AOPEP: variants seen among roughly 807,000 people sequenced by gnomAD.
The protein encoded by AOPEP is aminopeptidase O.
In AOPEP, 77 loss-of-function variants were observed where a neutral mutation model predicts 98.1. That is an observed-to-expected ratio of 0.78 (90% CI 0.65 to 0.95). The LOEUF is 0.95. Ranked by LOEUF, AOPEP falls within the 40% of genes least tolerant of loss-of-function variation. The pLI is 0.00. For missense variants in AOPEP, 1,024 were observed against 1,024.7 expected, an observed-to-expected ratio of 1.00 and a Z score of 0.01; for synonymous variants, 346 against 365.3, an observed-to-expected ratio of 0.95 and a Z score of 0.60.
chr9:95,073,265 TA>T (rs2068682949), intron 14 of AOPEP, among the ~76,000 whole-genome samples: 1 of 152,180 alleles, frequency 6.6e-6, no homozygotes, highest in African/African-American at 2.4e-5. Context: ...GACGCTCTTC[TA>T]ACCCCCATCT....
At chr9:95,041,643 ATAAT>A in intron 13 of AOPEP, among the ~76,000 whole-genome samples, 1 of 152,180 alleles carries the variant, frequency 6.6e-6, no homozygotes. Context: ...ACCGGCTGTA[ATAAT>A]TAAAGCCATG....
chr9:94,744,387 T>C (rs1833961310), intron 1 of AOPEP, among the ~76,000 whole-genome samples: 1 of 151,362 alleles, frequency 6.6e-6, no homozygotes, highest in African/African-American at 2.4e-5. Context: ...AGTGAGACTC[T>C]GTCTCAACAA....
chr9:95,129,804 G>A, the AOPEP span, among the ~76,000 whole-genome samples: 1 of 152,090 alleles, frequency 6.6e-6, no homozygotes, highest in Admixed American at 6.5e-5. Flanking sequence ...TTCACTGAAT[G>A]CCCAGGATGA....
the AOPEP span, among the ~76,000 whole-genome samples, chr9:95,093,764 C>T: frequency 1.3e-5 from 2 of 152,122 alleles, no homozygotes; most frequent in Non-Finnish European, 2.9e-5. Context: ...ACATAACGCT[C>T]GCTTCTCTGT....
At chr9:94,823,386 A>G (rs1047950471) in intron 5 of AOPEP, among the ~76,000 whole-genome samples, 7 of 152,174 alleles carry the variant, frequency 4.6e-5, no homozygotes, top group African/African-American at 1.7e-4. Context: ...CTTTATTAAC[A>G]CATGGTTAGT....
chr9:95,106,188 T>G, the AOPEP span, among the ~76,000 whole-genome samples: 1 of 152,184 alleles, frequency 6.6e-6, no homozygotes, highest in East Asian at 1.9e-4. Context: ...TCGCTGCACT[T>G]TGCCTTTCCC....
the AOPEP span, among the ~76,000 whole-genome samples, chr9:95,139,834 TTATATA>T: frequency 7.0e-6 from 1 of 143,164 alleles, no homozygotes; most frequent in African/African-American, 2.6e-5. Flanking sequence ...ATATATATAT[TTATATA>T]TATATATATA....
At chr9:94,806,338 G>A (rs1409273051) in intron 5 of AOPEP, among the ~76,000 whole-genome samples, 1 of 151,818 alleles carries the variant, frequency 6.6e-6, no homozygotes, top group Non-Finnish European at 1.5e-5. Flanking sequence ...TTAAAAAGAT[G>A]TTGAATGGGC....
chr9:95,048,335 C>T (rs2066019144), intron 13 of AOPEP, among the ~76,000 whole-genome samples: 1 of 151,640 alleles, frequency 6.6e-6, no homozygotes, highest in Admixed American at 6.6e-5. Flanking sequence ...TTTGAATTGC[C>T]GGCTGTGTTG....
intron 5 of AOPEP, among the ~76,000 whole-genome samples, chr9:94,880,290 C>T (rs1356635710): frequency 2.0e-5 from 3 of 151,920 alleles, no homozygotes; most frequent in Non-Finnish European, 4.4e-5. Flanking sequence ...GTGAGAAACC[C>T]CTATTGTTTA....
chr9:95,037,105 A>G (rs2064898528), intron 13 of AOPEP, among the ~76,000 whole-genome samples: 1 of 152,208 alleles, frequency 6.6e-6, no homozygotes, highest in Non-Finnish European at 1.5e-5. Flanking sequence ...TAGCAAACCC[A>G]TAGAGGCTTT....
the AOPEP span, among the ~76,000 whole-genome samples, chr9:95,111,947 G>C: frequency 1.3e-5 from 2 of 152,218 alleles, no homozygotes; most frequent in African/African-American, 4.8e-5. Flanking sequence ...TGACCAACAG[G>C]AATGTGGCAG....
intron 14 of AOPEP, among the ~76,000 whole-genome samples, chr9:95,065,929 T>A (rs920122759): frequency 6.6e-6 from 1 of 152,166 alleles, no homozygotes; most frequent in Non-Finnish European, 1.5e-5. Context: ...TGACTTCAGG[T>A]TTTTAGAAAG....
chr9:95,011,833 C>A (rs990637838), intron 13 of AOPEP, among the ~76,000 whole-genome samples: 1 of 152,032 alleles, frequency 6.6e-6, no homozygotes, highest in Non-Finnish European at 1.5e-5. Context: ...CAAAAAAAAT[C>A]TATAGTTTAA....
chr9:94,742,768 TTATATTTA>T (rs1197791131), intron 1 of AOPEP, among the ~76,000 whole-genome samples: 1 of 152,166 alleles, frequency 6.6e-6, no homozygotes, highest in African/African-American at 2.4e-5. Flanking sequence ...TTTGCCCTGA[TTATATTTA>T]TGTTGAATCT....
At chr9:94,974,991 A>G (rs2059752019) in intron 10 of AOPEP, among the ~76,000 whole-genome samples, 1 of 152,136 alleles carries the variant, frequency 6.6e-6, no homozygotes, top group Admixed American at 6.5e-5. Context: ...TAATCCCAGC[A>G]CTTTGGGAGG....
chr9:94,885,916 A>T (rs1270474988), intron 5 of AOPEP, among the ~76,000 whole-genome samples: 1 of 152,198 alleles, frequency 6.6e-6, no homozygotes, highest in Non-Finnish European at 1.5e-5. Context: ...ATTGAAAAGG[A>T]TATAATTGTA....
Position 94,773,073 on chromosome 9 carries a change from C to A in AOPEP, c.869C>A (p.Ala290Asp). 2.5e-6 allele frequency: 4 copies of A among 1,614,076 alleles called. No individual in the cohort carries two copies. The highest frequency in any genetic ancestry group is 2.5e-6 in the Non-Finnish European group (3 of 1,179,976). The change falls in exon 3 of 17, where the codon GCC becomes GAC. Residue 290 changes from alanine (A) to aspartate (D), a missense_variant. Transcript: ENST00000375315. ...ALFPCQEPPV[A>D]MSTWQATVRA... ...TTTCCATGCCAGGAGCCACCCGTTGCCATGTCAACATGGCAGGCTACAGTT... is the reference window on the plus strand; with the variant it reads ...TTTCCATGCCAGGAGCCACCCGTTGACATGTCAACATGGCAGGCTACAGTT...
chr9:94,918,807 G>T (rs2053184250), intron 5 of AOPEP, among the ~76,000 whole-genome samples: 1 of 152,174 alleles, frequency 6.6e-6, no homozygotes, highest in African/African-American at 2.4e-5. Flanking sequence ...CAAGAATAAG[G>T]AATGTGGCCC....
Sources: gnomAD v4.1 joint callset for allele counts (sites outside exome capture counted in the v4.1 genomes callset) on GRCh38, gnomAD v4.1.1 for gene constraint, MANE v1.5 for transcripts, NCBI Gene and HGNC (gene_info 2026-07-23, HGNC 2026-07-21) for gene names.